The following SYT10 variants were observed in gnomAD, a reference collection of about 807,000 sequenced individuals.
The protein encoded by SYT10 is synaptotagmin-10.
A neutral mutation model predicts 51.1 loss-of-function variants in SYT10; 31 were observed. The observed-to-expected ratio is 0.61, with a 90% CI of 0.46 to 0.82. SYT10 has a LOEUF of 0.82. Among genes scored for constraint, SYT10 ranks in the 40% least tolerant of loss-of-function variants. The pLI is 0.00. For missense variants in SYT10, 603 were observed against 634.0 expected, an observed-to-expected ratio of 0.95 and a Z score of 0.53; for synonymous variants, 233 against 225.9, an observed-to-expected ratio of 1.03 and a Z score of -0.28.
At chr12:33,428,505 T>C (rs1350351435) in intron 1 of SYT10, among the ~76,000 whole-genome samples, 3 of 152,208 alleles carry the variant, frequency 2.0e-5, no homozygotes, top group African/African-American at 7.2e-5. Context: ...ATAAGTTCAA[T>C]TAAAACAAGA....
chr12:33,419,417 GAAT>G (rs1004575522), intron 2 of SYT10, among the ~76,000 whole-genome samples: 1 of 151,868 alleles, frequency 6.6e-6, no homozygotes, highest in African/African-American at 2.4e-5. Context: ...AATAGCAATT[GAAT>G]AATAATAATA....
rs1158605852 is a variant in SYT10, at chr12:33,392,873, A to G, written c.1078-7582T>C. Among the ~76,000 whole-genome samples the G allele has an allele frequency of 5.3e-5, 8 of 150,376 alleles. No homozygotes were observed. The Admixed American group carries it at 5.3e-4, about 10-fold the overall frequency. On this transcript the variant is annotated intron_variant, in intron 3 of 6. Transcript: ENST00000228567. ...ACCACCCAGAGCTACTATTGCCAGG[A>G]CACTGTTTAAGAATGCCCACGTTTC...
Position 33,406,820 on chromosome 12 carries a change from G to A in SYT10, c.1046C>T (p.Thr349Ile), listed in dbSNP as rs1273888515. 6.2e-7 allele frequency: 1 copy of A among 1,612,854 alleles called. No homozygotes were observed. The highest frequency in any genetic ancestry group is 2.2e-5 in the East Asian group (1 of 44,858). Residue 349 changes from threonine (T) to isoleucine (I), a missense_variant, in exon 3 of 7, where the codon ACA (threonine) becomes ATA (isoleucine). Transcript: ENST00000228567. ...AGCACAGTGAATATCTTTCCATACTGTGGCTTCCCTGGAGAGATCAGAGAC... is the reference window on the plus strand; with the variant it reads ...AGCACAGTGAATATCTTTCCATACTATGGCTTCCCTGGAGAGATCAGAGAC... ...FEVSDLSREA[T>I]VWKDIHCATT...
At chr12:33,398,310 G>A (rs1211966931) in intron 3 of SYT10, among the ~76,000 whole-genome samples, 2 of 151,906 alleles carry the variant, frequency 1.3e-5, no homozygotes, top group Admixed American at 6.6e-5. Context: ...TCAGGAGATC[G>A]AGACCATCCT....
intron 2 of SYT10, among the ~76,000 whole-genome samples, chr12:33,413,664 A>T (rs1485200613): frequency 6.6e-6 from 1 of 152,224 alleles, no homozygotes; most frequent in Non-Finnish European, 1.5e-5. Context: ...GGCCTGTCCT[A>T]AAAGAGCTCC....
At chr12:33,389,467 T>C (rs554641485) in intron 3 of SYT10, among the ~76,000 whole-genome samples, 1 of 152,112 alleles carries the variant, frequency 6.6e-6, no homozygotes. Context: ...AATAATGATG[T>C]TAATGAAAAT....
intron 2 of SYT10, among the ~76,000 whole-genome samples, chr12:33,424,785 T>C (rs977241622): frequency 3.9e-5 from 6 of 151,906 alleles, no homozygotes; most frequent in Admixed American, 2.6e-4. Flanking sequence ...AACATGGATA[T>C]TTATTGAGTT....
chr12:33,436,579 C>T (rs1288721441), intron 1 of SYT10, among the ~76,000 whole-genome samples: 1 of 152,158 alleles, frequency 6.6e-6, no homozygotes, highest in Non-Finnish European at 1.5e-5. Context: ...TCAATGGCAA[C>T]AATACTGCTG....
At chr12:33,429,833 T>C (rs1254162198) in intron 1 of SYT10, among the ~76,000 whole-genome samples, 1 of 152,152 alleles carries the variant, frequency 6.6e-6, no homozygotes, top group East Asian at 1.9e-4. Context: ...GGTTTGAGTA[T>C]GATCATAAAA....
At chr12:33,422,248 A>G (rs1301600472) in intron 2 of SYT10, among the ~76,000 whole-genome samples, 1 of 152,172 alleles carries the variant, frequency 6.6e-6, no homozygotes, top group African/African-American at 2.4e-5. Context: ...GACTTTTAAA[A>G]GATTTGGACT....
intron 3 of SYT10, chr12:33,405,845 G>A (rs1038776460): frequency 8.4e-5 from 11 of 130,808 alleles, no homozygotes; most frequent in African/African-American, 3.4e-4. Flanking sequence ...ATTCTATACC[G>A]GACAAATAAT....
At position 33,439,540 on chromosome 12, in the gene SYT10, GT is replaced by G. The variant is rs771826714; in HGVS notation, c.-19del. ...AAACTCATCGTTTGGCTTTTCTTTC[GT>G]TTTCTCTTTTTTTCCCAGTTAGCCG... On this transcript the variant is annotated 5_prime_UTR_variant, in exon 1 of 7. Coordinates refer to ENST00000228567, the MANE Select transcript of SYT10 (RefSeq NM_198992.4). 1.2e-6 allele frequency: 2 copies of G among 1,610,674 alleles called. No homozygotes were observed. Among genetic ancestry groups the G allele is most frequent in the South Asian group, 1.1e-5 (1 of 90,880 alleles).
chr12:33,374,752 C>T lies in SYT10; in HGVS notation c.*2078G>A, dbSNP rs1285569283. Reference sequence around the variant, plus strand: ...TCTACAATTCCCATATTAGAGTCTTCTGATTGGCCAATGGTTCACATTTTT... The same window carrying T: ...TCTACAATTCCCATATTAGAGTCTTTTGATTGGCCAATGGTTCACATTTTT... On this transcript the variant is annotated 3_prime_UTR_variant, in exon 7 of 7. Transcript: ENST00000228567. 6.6e-6 allele frequency: 1 copy of T among 151,848 alleles called. No individual in the cohort carries two copies. The highest frequency in any genetic ancestry group is 6.6e-5 in the Admixed American group (1 of 15,234). 9.4% of individuals were successfully genotyped at this position (151,848 alleles called of 1,614,324 possible).
chr12:33,433,189 T>C (rs184619713), intron 1 of SYT10, among the ~76,000 whole-genome samples: 4 of 152,300 alleles, frequency 2.6e-5, no homozygotes, highest in Non-Finnish European at 4.4e-5. Flanking sequence ...TTGTGCCAGT[T>C]AGACAAAAGA....
At chr12:33,403,050 T>A (rs1169404532) in intron 3 of SYT10, among the ~76,000 whole-genome samples, 1 of 152,056 alleles carries the variant, frequency 6.6e-6, no homozygotes, top group Non-Finnish European at 1.5e-5. Flanking sequence ...TGGTATTCTT[T>A]TCCCCAGTAA....
At chr12:33,427,998 T>C (rs183661873) in intron 1 of SYT10, among the ~76,000 whole-genome samples, 10 of 152,230 alleles carry the variant, frequency 6.6e-5, no homozygotes, top group Admixed American at 3.9e-4. Context: ...AAGGAGAAGA[T>C]AGAAGTGAAG....
intron 2 of SYT10, among the ~76,000 whole-genome samples, chr12:33,411,315 A>G (rs1177435672): frequency 6.6e-6 from 1 of 152,086 alleles, no homozygotes; most frequent in Non-Finnish European, 1.5e-5. Context: ...CTAAGATCTC[A>G]AGTTTATTTG....
intron 2 of SYT10, among the ~76,000 whole-genome samples, chr12:33,418,175 A>G (rs981703072): frequency 7.9e-5 from 12 of 152,060 alleles, no homozygotes; most frequent in African/African-American, 2.2e-4. Context: ...TCCATTCACA[A>G]TCCTCATCCC....
Position 33,385,170 on chromosome 12 carries a change from C to T in SYT10, c.1198+1G>A. The T allele has an allele frequency of 6.2e-7, 1 of 1,613,410 alleles. No individual in the cohort carries two copies. Among genetic ancestry groups the T allele is most frequent in the Middle Eastern group, 1.7e-4 (1 of 6,056 alleles). On this transcript the variant is annotated splice_donor_variant, in intron 4 of 6. Transcript: ENST00000228567. LOFTEE classifies it high-confidence loss of function. ...TGGTCCTGTGGCCATTGTGTACATA[C>T]CTGATGAGCCAGTAATATCCATCGC...
Sources: allele counts gnomAD v4.1 joint callset (sites outside exome capture counted in the v4.1 genomes callset), GRCh38; gene constraint gnomAD v4.1.1; transcripts MANE v1.5; gene names NCBI Gene and HGNC (gene_info 2026-07-23, HGNC 2026-07-21).